MCU: variants seen among roughly 807,000 people sequenced by gnomAD.
The protein encoded by MCU is calcium uniporter protein, mitochondrial.
A neutral mutation model predicts 45.2 loss-of-function variants in MCU; 12 were observed. That is an observed-to-expected ratio of 0.27 (90% CI 0.17 to 0.43). MCU has a LOEUF of 0.43. MCU is among the 20% of genes least tolerant of loss of function. The pLI is 1.00. For synonymous variants in MCU, 160 were observed against 165.1 expected, an observed-to-expected ratio of 0.97 and a Z score of 0.24; for missense variants, 324 against 436.7, an observed-to-expected ratio of 0.74 and a Z score of 2.30.
chr10:72,814,374 G>A (rs1844593164), intron 1 of MCU, among the ~76,000 whole-genome samples: 1 of 152,070 alleles, frequency 6.6e-6, no homozygotes, highest in African/African-American at 2.4e-5. Context: ...TGCTGACATT[G>A]GAGTTTTTTG....
At chr10:72,839,020 C>A (rs940281402) in intron 2 of MCU, among the ~76,000 whole-genome samples, 2 of 151,512 alleles carry the variant, frequency 1.3e-5, no homozygotes, top group African/African-American at 4.9e-5. Context: ...GACGGAGTCC[C>A]GCTCCATCAC....
chr10:72,885,110 T>G (rs959798531), intron 7 of MCU, among the ~76,000 whole-genome samples: 1 of 152,194 alleles, frequency 6.6e-6, no homozygotes, highest in African/African-American at 2.4e-5. Flanking sequence ...TCCATCTTCC[T>G]GCTTTGGCCT....
At chr10:72,880,478 CG>C (rs11286927) in intron 6 of MCU, among the ~76,000 whole-genome samples, 35,341 of 138,986 alleles carry the variant, frequency 0.25, 9,316 homozygotes, top group African/African-American at 0.66. Flanking sequence ...GAAGGCAAAG[CG>C]GGGGGGGGGA....
At chr10:72,716,427 G>T (rs1842955726) in intron 1 of MCU, among the ~76,000 whole-genome samples, 2 of 152,182 alleles carry the variant, frequency 1.3e-5, no homozygotes, top group African/African-American at 4.8e-5. Context: ...TACTGAAATG[G>T]AAAGCTGTAA....
At chr10:72,824,176 C>G (rs915596185) in intron 1 of MCU, among the ~76,000 whole-genome samples, 1 of 150,874 alleles carries the variant, frequency 6.6e-6, no homozygotes. Flanking sequence ...TCTTACTAGT[C>G]AGCTGTTACA....
At chr10:72,714,894 C>G (rs1036160803) in intron 1 of MCU, among the ~76,000 whole-genome samples, 1 of 152,106 alleles carries the variant, frequency 6.6e-6, no homozygotes, top group Non-Finnish European at 1.5e-5. Flanking sequence ...GAGTTTCTTA[C>G]GGTCAATCTG....
intron 1 of MCU, among the ~76,000 whole-genome samples, chr10:72,722,666 A>G (rs1843040507): frequency 6.6e-6 from 1 of 152,114 alleles, no homozygotes; most frequent in Non-Finnish European, 1.5e-5. Context: ...AGTTTGATTT[A>G]TAAGTCAAAG....
At chr10:72,874,410 GA>G (rs1845590180) in intron 6 of MCU, among the ~76,000 whole-genome samples, 2 of 152,252 alleles carry the variant, frequency 1.3e-5, no homozygotes, top group East Asian at 3.9e-4. Context: ...TGAGACATCG[GA>G]AAAGCTTTTT....
intron 1 of MCU, among the ~76,000 whole-genome samples, chr10:72,704,704 ATTTTTT>A (rs1162093579): frequency 2.8e-5 from 3 of 106,746 alleles, no homozygotes; most frequent in African/African-American, 1.3e-4. Flanking sequence ...TGCCTGGATA[ATTTTTT>A]TTTTTTTTTT....
At chr10:72,796,743 G>T (rs1056609208) in intron 1 of MCU, among the ~76,000 whole-genome samples, 1 of 150,354 alleles carries the variant, frequency 6.7e-6, no homozygotes, top group Admixed American at 6.6e-5. Context: ...GCCCAGACAG[G>T]TCTCAAATTC....
At chr10:72,862,462 G>A (rs751656985) in intron 4 of MCU, among the ~76,000 whole-genome samples, 78 of 152,276 alleles carry the variant, frequency 5.1e-4, no homozygotes, top group Non-Finnish European at 4.3e-4. Context: ...AGTGGGGGCG[G>A]GGGCAGAGGC....
Position 72,755,145 on chromosome 10 carries a change from G to C in MCU, c.150+62844G>C, listed in dbSNP as rs1044448368. Among the ~76,000 whole-genome samples, 31 of 116,398 alleles carry C rather than the reference G, an allele frequency of 2.7e-4. 1 individual carries two copies. Among genetic ancestry groups the C allele is most frequent in the Admixed American group, 2.6e-3 (28 of 10,892 alleles). The allele number at this position is 116,398 out of a possible 152,430, so 76.4% of individuals were successfully genotyped here. On this transcript the variant is annotated intron_variant, in intron 1 of 7. Coordinates refer to ENST00000373053, the MANE Select transcript of MCU (RefSeq NM_138357.3). The stretch of plus-strand genomic sequence containing the variant: ...TTTCTTACTAGATATGTGAACCTGA[G>C]ATTTTTTTTTTTTTTTTTTTTGAGG...
At chr10:72,744,332 A>G (rs141592758) in intron 1 of MCU, among the ~76,000 whole-genome samples, 2 of 151,838 alleles carry the variant, frequency 1.3e-5, no homozygotes, top group African/African-American at 4.8e-5. Flanking sequence ...TGCAGGCTTG[A>G]TCCACAGATT....
intron 1 of MCU, among the ~76,000 whole-genome samples, chr10:72,760,085 C>T (rs188146215): frequency 1.6e-4 from 24 of 151,552 alleles, no homozygotes; most frequent in African/African-American, 5.8e-4. Context: ...AGCTCTTTTG[C>T]CTGGGCTAGA....
intron 1 of MCU, among the ~76,000 whole-genome samples, chr10:72,823,140 A>C (rs754137350): frequency 3.9e-5 from 6 of 152,232 alleles, no homozygotes; most frequent in Non-Finnish European, 7.3e-5. Flanking sequence ...TGAGTGGATA[A>C]ACAAAATGTC....
chr10:72,697,270 C>A (rs1842699950), intron 1 of MCU, among the ~76,000 whole-genome samples: 2 of 151,486 alleles, frequency 1.3e-5, no homozygotes, highest in African/African-American at 4.9e-5. Flanking sequence ...GCGTGTGCCA[C>A]CATGCCTGGC....
chr10:72,849,914 T>C (rs1177554553), intron 2 of MCU, among the ~76,000 whole-genome samples: 1 of 114,666 alleles, frequency 8.7e-6, no homozygotes, highest in Non-Finnish European at 2.0e-5. Flanking sequence ...ATTATCTTTT[T>C]CTTTTTTTTT....
intron 1 of MCU, among the ~76,000 whole-genome samples, chr10:72,797,773 G>T (rs895346752): frequency 6.6e-6 from 1 of 152,028 alleles, no homozygotes; most frequent in African/African-American, 2.4e-5. Flanking sequence ...GACCTCAGGT[G>T]ATCCACCCAC....
intron 2 of MCU, among the ~76,000 whole-genome samples, chr10:72,842,070 G>A (rs1845056016): frequency 6.6e-6 from 1 of 152,142 alleles, no homozygotes; most frequent in African/African-American, 2.4e-5. Flanking sequence ...GGTAAAGCCA[G>A]GAGTTTGAGA....
Sources: allele counts gnomAD v4.1 joint callset (sites outside exome capture counted in the v4.1 genomes callset), GRCh38; gene constraint gnomAD v4.1.1; transcripts MANE v1.5; gene names NCBI Gene and HGNC (gene_info 2026-07-23, HGNC 2026-07-21).